AGBL4: variants seen among roughly 807,000 people sequenced by gnomAD.
AGBL4 encodes the protein cytosolic carboxypeptidase 6.
A neutral mutation model predicts 66.4 loss-of-function variants in AGBL4; 58 were observed. That is an observed-to-expected ratio of 0.87 (90% CI 0.71 to 1.09). The LOEUF (loss-of-function observed/expected upper bound fraction) is 1.09. Among genes scored for constraint, AGBL4 ranks in the 50% least tolerant of loss-of-function variants. The pLI is 0.00. For synonymous variants in AGBL4, 234 were observed against 222.9 expected (o/e 1.05, Z -0.44); for missense variants, 579 against 631.0 (o/e 0.92, Z 0.88).
chr1:49,893,477 C>T (rs545844539), intron 1 of AGBL4, among the ~76,000 whole-genome samples: 3 of 152,280 alleles, frequency 2.0e-5, no homozygotes, highest in African/African-American at 7.2e-5. Context: ...AGTCCTGGGC[C>T]AGAAGGTAGC....
At chr1:48,669,954 A>AAT (rs1646250712) in intron 6 of AGBL4, among the ~76,000 whole-genome samples, 1 of 151,972 alleles carries the variant, frequency 6.6e-6, no homozygotes, top group South Asian at 2.1e-4. Flanking sequence ...CTAAAATCTC[A>AAT]TATCTAAGTA....
At chr1:50,000,434 T>C (rs1660664421) in intron 1 of AGBL4, among the ~76,000 whole-genome samples, 1 of 152,092 alleles carries the variant, frequency 6.6e-6, no homozygotes. Context: ...GATGTTGGCG[T>C]GGATGTGGTG....
At chr1:49,189,235 C>T (rs1647070987) in intron 4 of AGBL4, among the ~76,000 whole-genome samples, 1 of 152,112 alleles carries the variant, frequency 6.6e-6, no homozygotes, top group South Asian at 2.1e-4. Context: ...TCATAATGTC[C>T]TTTTAGCTAC....
At chr1:49,086,190 T>A (rs1354911942) in intron 4 of AGBL4, among the ~76,000 whole-genome samples, 1 of 152,042 alleles carries the variant, frequency 6.6e-6, no homozygotes, top group Non-Finnish European at 1.5e-5. Context: ...GTCCTACTTC[T>A]ATGTGAATTC....
chr1:49,096,382 A>T (rs1355754126), intron 4 of AGBL4, among the ~76,000 whole-genome samples: 1 of 152,046 alleles, frequency 6.6e-6, no homozygotes, highest in African/African-American at 2.4e-5. Flanking sequence ...ATAAAGACAC[A>T]TGCACACGTA....
Position 49,386,382 on chromosome 1 carries a change from T to A in AGBL4, c.283-140518A>T, listed in dbSNP as rs141367895. ...ATTAAAATTGTAATTGCAAAGACTA[T>A]GCATGGAATAAAATGTGGATTGACA... On this transcript the variant is annotated intron_variant, in intron 3 of 13. Coordinates refer to ENST00000371839, the MANE Select transcript of AGBL4 (RefSeq NM_032785.4). Among the ~76,000 whole-genome samples, 522 of 151,924 alleles carry A rather than the reference T, an allele frequency of 3.4e-3. 1 individual carries two copies. The highest frequency in any genetic ancestry group is 0.012 in the African/African-American group (492 of 41,500).
chr1:49,323,469 T>G (rs1294069290), intron 3 of AGBL4, among the ~76,000 whole-genome samples: 2 of 147,440 alleles, frequency 1.4e-5, no homozygotes, highest in Non-Finnish European at 1.5e-5. Context: ...TTTTTTTTTT[T>G]TGTATTTTGT....
chr1:49,875,271 G>A (rs1035984341), intron 1 of AGBL4, among the ~76,000 whole-genome samples: 1 of 143,334 alleles, frequency 7.0e-6, no homozygotes, highest in East Asian at 2.1e-4. Flanking sequence ...TCGTCATCTA[G>A]CATTAGGTAT....
chr1:49,627,044 C>T, intron 3 of AGBL4, among the ~76,000 whole-genome samples: 1 of 152,076 alleles, frequency 6.6e-6, no homozygotes, highest in East Asian at 1.9e-4. Context: ...TGCTCATGGA[C>T]CACAGTCAGA....
intron 3 of AGBL4, among the ~76,000 whole-genome samples, chr1:49,492,006 G>C (rs1647195417): frequency 6.6e-6 from 1 of 151,888 alleles, no homozygotes; most frequent in South Asian, 2.1e-4. Context: ...ATAATAAACT[G>C]TAATGAAAGT....
intron 9 of AGBL4, among the ~76,000 whole-genome samples, chr1:48,602,943 G>T (rs1645096127): frequency 6.6e-6 from 1 of 152,186 alleles, no homozygotes; most frequent in South Asian, 2.1e-4. Context: ...CCTTTCAGGT[G>T]CTGTAAGAGA....
intron 4 of AGBL4, 96 bp downstream of exon 4, chr1:49,245,674 A>T: frequency 1.2e-6 from 1 of 812,908 alleles, no homozygotes; most frequent in South Asian, 2.0e-5. Flanking sequence ...TTTTATTTTT[A>T]ATTTTTTTTG....
rs1648290823 is a variant in AGBL4, at chr1:49,207,542, T to TTTTCTTTCCTTCTTTCTTTCTTTC, written c.377+38227_377+38228insGAAAGAAAGAAAGAAGGAAAGAAA. On this transcript the variant is annotated intron_variant, in intron 4 of 13. Transcript: ENST00000371839. Reference sequence around the variant, plus strand: ...TTCTTTCTCTCTTTCTTTTTCTTTCTTTTCTTTCTTTCTTTCTTTCTTTCT... The same window carrying TTTTCTTTCCTTCTTTCTTTCTTTC: ...TTCTTTCTCTCTTTCTTTTTCTTTCTTTTCTTTCCTTCTTTCTTTCTTTCTTTCTTTCTTTCTTTCTTTCTTTCT... Among the ~76,000 whole-genome samples the TTTTCTTTCCTTCTTTCTTTCTTTC allele has an allele frequency of 3.8e-5, 3 of 78,030 alleles. No individual in the cohort carries two copies. In the South Asian group the frequency reaches 1.9e-3, roughly 48 times the overall value. The allele number at this position is 78,030 out of a possible 152,430, so 51.2% of individuals were successfully genotyped here. A position where few individuals can be genotyped will look rare whatever the true frequency, so the allele number is the denominator to read the frequency against.
At chr1:48,669,358 G>A (rs1646240522) in intron 6 of AGBL4, among the ~76,000 whole-genome samples, 2 of 152,214 alleles carry the variant, frequency 1.3e-5, no homozygotes, top group African/African-American at 4.8e-5. Context: ...CTACAGGTAT[G>A]TTGAGCTGCA....
At chr1:49,379,795 G>C (rs1006504039) in intron 3 of AGBL4, among the ~76,000 whole-genome samples, 4 of 151,908 alleles carry the variant, frequency 2.6e-5, no homozygotes, top group Non-Finnish European at 5.9e-5. Flanking sequence ...ATTTTATTGA[G>C]GATTTTTGCA....
intron 2 of AGBL4, among the ~76,000 whole-genome samples, chr1:49,733,784 T>C (rs1168329289): frequency 6.6e-6 from 1 of 152,038 alleles, no homozygotes; most frequent in Non-Finnish European, 1.5e-5. Context: ...GGGACAAAGA[T>C]TTCACCTTTT....
intron 3 of AGBL4, among the ~76,000 whole-genome samples, chr1:49,455,881 T>C (rs1646377873): frequency 6.6e-6 from 1 of 151,754 alleles, no homozygotes; most frequent in African/African-American, 2.4e-5. Context: ...CTATACTCTC[T>C]GCATACATTC....
At chr1:49,190,662 A>AT (rs1557713984) in intron 4 of AGBL4, among the ~76,000 whole-genome samples, 2 of 152,188 alleles carry the variant, frequency 1.3e-5, no homozygotes, top group African/African-American at 4.8e-5. Flanking sequence ...TTATTAAAAC[A>AT]ATAATATGAT....
In AGBL4 at chr1:48,856,558, G is replaced by A. The variant is rs1461650750; in HGVS notation, c.634+10633C>T. Reference sequence around the variant, plus strand: ...TATTGGCTCTGAAAATGGCCATAAGGCAGTATCTAGTTTGGCCTCTCTTGT... The same window carrying A: ...TATTGGCTCTGAAAATGGCCATAAGACAGTATCTAGTTTGGCCTCTCTTGT... On this transcript the variant is annotated intron_variant, in intron 6 of 13. Transcript: ENST00000371839. Among the ~76,000 whole-genome samples, 4 of 152,244 alleles carry A rather than the reference G, an allele frequency of 2.6e-5. No individual in the cohort carries two copies. The East Asian group carries it at 5.8e-4, about 22-fold the overall frequency.
Sources: gnomAD v4.1 joint callset for allele counts (sites outside exome capture counted in the v4.1 genomes callset) on GRCh38, gnomAD v4.1.1 for gene constraint, MANE v1.5 for transcripts, NCBI Gene and HGNC (gene_info 2026-07-23, HGNC 2026-07-21) for gene names.